Variants in MYOM1 observed in about 807,000 individuals in gnomAD.
MYOM1 encodes myomesin-1.
MYOM1 carries 164 observed loss-of-function variants against 205.3 expected under a neutral mutation model. The observed-to-expected ratio is 0.80, with a 90% CI of 0.70 to 0.91. The LOEUF (loss-of-function observed/expected upper bound fraction) is 0.91, where lower values mean the gene tolerates loss of function less well. Ranked by LOEUF, MYOM1 falls within the 40% of genes least tolerant of loss-of-function variation. The pLI, the probability that MYOM1 is intolerant of heterozygous loss-of-function variation, is 0.00. For missense variants in MYOM1, 2,011 were observed against 2,127.3 expected (o/e 0.95, Z 1.08); for synonymous variants, 772 against 789.4 (o/e 0.98, Z 0.37).
rs773242505 is a variant in MYOM1, at chr18:3,187,477, T to C, written c.929+3A>G. 1.9e-5 allele frequency: 31 copies of C among 1,612,632 alleles called. 1 individual carries two copies. The highest frequency in any genetic ancestry group is 1.1e-4 in the South Asian group (10 of 90,952). ...TCTGTTAGCTTTCATAAAGATAACA[T>C]ACCACGTGACACGAGGTTCTGGCCA... On this transcript the variant is annotated splice_donor_region_variant and intron_variant, in intron 5 of 37. Coordinates refer to ENST00000356443, the MANE Select transcript of MYOM1 (RefSeq NM_003803.4).
Position 3,189,122 on chromosome 18 carries a change from GGATGGCAGT to G in MYOM1, c.432-44_432-36del. 1 of 1,576,174 alleles carries G rather than the reference GGATGGCAGT, an allele frequency of 6.3e-7. No individual in the cohort carries two copies. Among genetic ancestry groups the G allele is most frequent in the Non-Finnish European group, 8.7e-7 (1 of 1,156,064 alleles). On this transcript the variant is annotated intron_variant, in intron 3 of 37. Coordinates refer to ENST00000356443, the MANE Select transcript of MYOM1 (RefSeq NM_003803.4). This position sits in a 1 kb window ranked among gnomAD's most constrained non-coding sequence, Gnocchi z 4.8. The stretch of plus-strand genomic sequence containing the variant: ...AACAATGGCAAAATGTAGATGTTGT[GGATGGCAGT>G]GATAAGATTGAGTAATTTTACTAAG...
intron 3 of MYOM1, 24 bp downstream of exon 3, chr18:3,193,794 G>A (rs2080953590): frequency 6.2e-7 from 1 of 1,602,228 alleles, no homozygotes; most frequent in African/African-American, 1.3e-5. Context: ...AAAAATTAAA[G>A]CCAGGAAGAA....
chr18:3,073,460 A>G (rs2078984645), intron 36 of MYOM1, among the ~76,000 whole-genome samples: 1 of 152,194 alleles, frequency 6.6e-6, no homozygotes, highest in Non-Finnish European at 1.5e-5. Flanking sequence ...AGTGAGGCTA[A>G]AGCTTTGCTT....
Position 3,129,390 on chromosome 18 carries a change from G to C in MYOM1, c.2636C>G (p.Pro879Arg), listed in dbSNP as rs1366454578. Residue 879 changes from proline (P) to arginine (R), a missense_variant, in exon 18 of 38, where the codon CCT (proline) becomes CGT (arginine). Coordinates refer to ENST00000356443, the MANE Select transcript of MYOM1 (RefSeq NM_003803.4). ...FQKDALLGSKPNKPSLPSSSQ... is the reference protein window; with the variant it reads ...FQKDALLGSKRNKPSLPSSSQ... ...GCTACTGGGTAGTGAAGGTTTGTTAGGTTTGCTGCCAAGCAAAGCATCTTT... is the reference window on the plus strand; with the variant it reads ...GCTACTGGGTAGTGAAGGTTTGTTACGTTTGCTGCCAAGCAAAGCATCTTT... 27 of 1,613,996 alleles carry C rather than the reference G, an allele frequency of 1.7e-5. No individual in the cohort carries two copies. The highest frequency in any genetic ancestry group is 2.2e-5 in the Non-Finnish European group (26 of 1,179,884).
chr18:3,103,587 A>AAT (rs1165491211), intron 22 of MYOM1, among the ~76,000 whole-genome samples: 1 of 152,182 alleles, frequency 6.6e-6, no homozygotes, highest in Non-Finnish European at 1.5e-5. Flanking sequence ...CATTAGGAAA[A>AAT]ATATATATAA....
rs150617020 is a variant in MYOM1 at position 3,090,935 on chromosome 18, A to G, written c.3865-133T>C. 1,475 of 1,126,462 alleles carry G rather than the reference A, an allele frequency of 1.3e-3. 18 individuals are homozygous for G. In the African/African-American group the frequency reaches 0.021, roughly 16 times the overall value. The allele number at this position is 1,126,462 out of a possible 1,614,324, so 69.8% of individuals were successfully genotyped here. ...GCCTGTTCATGCCTGTAATCCCAGT[A>G]CTTTGGGAGGTCGAGGTGGGAGGAT... On this transcript the variant is annotated intron_variant, in intron 26 of 37. Coordinates refer to ENST00000356443, the MANE Select transcript of MYOM1 (RefSeq NM_003803.4).
In MYOM1 at chr18:3,156,401, T is replaced by G. The variant is rs533003086; in HGVS notation, c.1502-1313A>C. Among the ~76,000 whole-genome samples, 5 of 152,304 alleles carry G rather than the reference T, an allele frequency of 3.3e-5. No homozygotes were observed. In the East Asian group the frequency reaches 9.6e-4, roughly 29 times the overall value. ...CTGTCTACTTCTGCATTTAATAGAT[T>G]TGCATTATCTGTGAAGAGCTCAAGC... On this transcript the variant is annotated intron_variant, in intron 10 of 37. Transcript: ENST00000356443.
intron 10 of MYOM1, among the ~76,000 whole-genome samples, chr18:3,156,907 C>T (rs769412111): frequency 6.6e-6 from 1 of 152,178 alleles, no homozygotes; most frequent in East Asian, 1.9e-4. Flanking sequence ...CCGCGCCCGG[C>T]GAGACACTTC....
chr18:3,151,669 G>A, intron 12 of MYOM1, 25 bp downstream of exon 12: 1 of 1,596,710 alleles, frequency 6.3e-7, no homozygotes, highest in Non-Finnish European at 8.5e-7. Context: ...TTTAGGGAAG[G>A]TCCTGAAAAA....
intron 2 of MYOM1, among the ~76,000 whole-genome samples, chr18:3,208,408 C>A (rs139950652): frequency 4.6e-5 from 7 of 152,254 alleles, no homozygotes; most frequent in African/African-American, 1.4e-4. Flanking sequence ...CAGCTACTTG[C>A]GGGCTGAGAG....
intron 13 of MYOM1, among the ~76,000 whole-genome samples, chr18:3,146,959 A>G (rs2080131607): frequency 6.6e-6 from 1 of 150,388 alleles, no homozygotes; most frequent in African/African-American, 2.4e-5. Context: ...ACAAAAATCA[A>G]TTGTGTTTCT....
At chr18:3,236,671 T>A in the MYOM1 span, 1 of 152,238 alleles carries the variant, frequency 6.6e-6, no homozygotes, top group African/African-American at 2.4e-5. Flanking sequence ...CTCATGGAGC[T>A]GTCAAGTGAG....
At chr18:3,073,928 G>A (rs1184137974) in intron 36 of MYOM1, among the ~76,000 whole-genome samples, 43 of 152,226 alleles carry the variant, frequency 2.8e-4, no homozygotes, top group Non-Finnish European at 4.4e-5. Flanking sequence ...CAATGTGTCC[G>A]CATGTCTAAT....
the MYOM1 span, among the ~76,000 whole-genome samples, chr18:3,234,200 T>C: frequency 6.6e-6 from 1 of 152,216 alleles, no homozygotes; most frequent in African/African-American, 2.4e-5. Context: ...AAGAAGAATA[T>C]AATGTTTATT....
chr18:3,194,753 T>C (rs1275555083), intron 2 of MYOM1, among the ~76,000 whole-genome samples: 1 of 152,090 alleles, frequency 6.6e-6, no homozygotes, highest in Non-Finnish European at 1.5e-5. Flanking sequence ...CAATTTGGCA[T>C]AAACTTCAGG....
At chr18:3,124,083 C>A (rs568337063) in intron 19 of MYOM1, among the ~76,000 whole-genome samples, 1 of 151,364 alleles carries the variant, frequency 6.6e-6, no homozygotes, top group Non-Finnish European at 1.5e-5. Flanking sequence ...GTGATCCCCC[C>A]ACCTCGGCCT....
chr18:3,202,170 C>A (rs537647505), intron 2 of MYOM1, among the ~76,000 whole-genome samples: 1 of 152,014 alleles, frequency 6.6e-6, no homozygotes, highest in South Asian at 2.1e-4. Context: ...ATTCCTAAGG[C>A]AATCCCTAGG....
At chr18:3,148,884 TGGTTTCATG>T (rs1478362152) in intron 13 of MYOM1, among the ~76,000 whole-genome samples, 6 of 145,674 alleles carry the variant, frequency 4.1e-5, no homozygotes, top group Admixed American at 3.5e-4. Context: ...AAAATGGTGA[TGGTTTCATG>T]GGTATATACA....
chr18:3,209,572 T>C lies in MYOM1; in HGVS notation c.290+5362A>G, dbSNP rs76225779. The stretch of plus-strand genomic sequence containing the variant: ...AGTCCTGCCCAACCCATCACCTTTC[T>C]GACATCCTCTCCACCTGCACTATCC... On this transcript the variant is annotated intron_variant, in intron 2 of 37. Coordinates refer to ENST00000356443, the MANE Select transcript of MYOM1 (RefSeq NM_003803.4). The surrounding 1 kb of genome is among the most constrained non-coding windows in gnomAD (Gnocchi z 4.0). 2.6e-5 allele frequency among the ~76,000 whole-genome samples: 4 copies of C among 152,224 alleles called. No homozygotes were observed. In the East Asian group the frequency reaches 7.7e-4, roughly 29 times the overall value.
Sources: gnomAD v4.1 joint callset for allele counts (sites outside exome capture counted in the v4.1 genomes callset) on GRCh38, gnomAD v4.1.1 for gene constraint, Gnocchi (gnomAD v3.1) non-coding constraint, MANE v1.5 for transcripts, NCBI Gene and HGNC (gene_info 2026-07-23, HGNC 2026-07-21) for gene names.